TENM1: variants seen among roughly 807,000 people sequenced by gnomAD.
TENM1 encodes teneurin transmembrane protein 1.
Under a neutral mutation model 174.8 loss-of-function variants are expected in TENM1, and 35 were observed. The observed-to-expected ratio is 0.20, with a 90% CI of 0.15 to 0.27. The LOEUF (loss-of-function observed/expected upper bound fraction) is 0.27. Among genes scored for constraint, TENM1 ranks in the 10% least tolerant of loss-of-function variants. TENM1 has a pLI of 1.00. For missense variants in TENM1, 1,633 were observed against 2,130.1 expected (o/e 0.77, Z 4.59); for synonymous variants, 781 against 798.7 (o/e 0.98, Z 0.37).
intron 3 of TENM1, among the ~76,000 whole-genome samples, chrX:124,746,326 C>G (rs1270243165): frequency 9.0e-6 from 1 of 111,275 alleles, no homozygotes; most frequent in Non-Finnish European, 1.9e-5. Context: ...GAAAAGTTTT[C>G]TGCTTGAAAT....
intron 31 of TENM1, among the ~76,000 whole-genome samples, chrX:124,381,869 G>A (rs767114400): frequency 1.8e-5 from 2 of 111,416 alleles, no homozygotes; most frequent in South Asian, 7.5e-4. Flanking sequence ...CCATTATGAA[G>A]CTTCAGCAAT....
chrX:124,781,131 G>T (rs2054899971), intron 3 of TENM1, among the ~76,000 whole-genome samples: 1 of 111,557 alleles, frequency 9.0e-6, no homozygotes, highest in Non-Finnish European at 1.9e-5. Context: ...TCCCTCAAAA[G>T]TAAGGGTTAT....
rs935412458 is a variant in TENM1 at position 124,576,470 on chromosome X, TTTC to T, written c.2078-10913_2078-10911del. Reference sequence around the variant, plus strand: ...TTTATCTACAGCTTTTCACTTAGACTTTCTTATCATAATTGCCGTCTAGGTGCA... The same window carrying T: ...TTTATCTACAGCTTTTCACTTAGACTTTATCATAATTGCCGTCTAGGTGCA... On this transcript the variant is annotated intron_variant, in intron 11 of 31. Coordinates refer to ENST00000422452, the Ensembl canonical transcript of TENM1. 5.4e-5 allele frequency among the ~76,000 whole-genome samples: 6 copies of T among 112,134 alleles called. No homozygotes were observed. In the Admixed American group the frequency reaches 5.7e-4, roughly 11 times the overall value.
At chrX:124,383,574 A>AT in intron 30 of TENM1, 60 bp downstream of exon 33, 1 of 1,005,064 alleles carries the variant, frequency 9.9e-7, no homozygotes. Context: ...AGATTCTGTG[A>AT]TAAAATCAAC....
At chrX:124,657,739 A>G (rs753046201) in intron 6 of TENM1, among the ~76,000 whole-genome samples, 1 of 112,207 alleles carries the variant, frequency 8.9e-6, no homozygotes, top group East Asian at 2.8e-4. Context: ...AGATTCCACC[A>G]TTACATTTTA....
chrX:124,769,481 A>G (rs2054606870), intron 3 of TENM1, among the ~76,000 whole-genome samples: 1 of 111,915 alleles, frequency 8.9e-6, no homozygotes, highest in African/African-American at 3.2e-5. Flanking sequence ...TCGTATGGAT[A>G]TATGCATGAT....
intron 4 of TENM1, among the ~76,000 whole-genome samples, chrX:124,733,639 C>T (rs996204890): frequency 1.8e-5 from 2 of 111,981 alleles, no homozygotes; most frequent in Non-Finnish European, 3.8e-5. Context: ...TTGAACAATG[C>T]TAGTTGATAG....
At chrX:124,626,108 C>T (rs897560996) in intron 11 of TENM1, among the ~76,000 whole-genome samples, 1 of 110,573 alleles carries the variant, frequency 9.0e-6, no homozygotes, top group Non-Finnish European at 1.9e-5. Flanking sequence ...TCTAATACAC[C>T]CCTAGGAGTA....
intron 23 of TENM1, among the ~76,000 whole-genome samples, chrX:124,424,744 T>C (rs763528256): frequency 9.0e-6 from 1 of 110,888 alleles, no homozygotes; most frequent in South Asian, 3.9e-4. Flanking sequence ...TTTAGTACTG[T>C]CCCCCCTTGG....
chrX:124,445,907 A>G (rs748592145), intron 23 of TENM1, among the ~76,000 whole-genome samples: 2 of 112,252 alleles, frequency 1.8e-5, no homozygotes, highest in African/African-American at 3.2e-5. Flanking sequence ...CTTGATAATC[A>G]ACTCATCTCC....
chrX:124,382,035 A>T (rs1215212208), intron 31 of TENM1, among the ~76,000 whole-genome samples: 1 of 111,320 alleles, frequency 9.0e-6, no homozygotes, highest in Non-Finnish European at 1.9e-5. Context: ...CCCAAATTTC[A>T]GTTTTATTCT....
chrX:124,987,701 T>TTGTGTGTGTGTGTG, the TENM1 span, among the ~76,000 whole-genome samples: 242 of 91,379 alleles, frequency 2.6e-3, no homozygotes, highest in South Asian at 3.4e-3. Context: ...GTTCTGCATT[T>TTGTGTGTGTGTGTG]TGTGTGTGTG....
rs754620176 is a variant in TENM1, at chrX:124,724,326, A to C, written c.776+12631T>G. On this transcript the variant is annotated intron_variant, in intron 4 of 31. Coordinates refer to ENST00000422452, the Ensembl canonical transcript of TENM1. ...TAAGAAAAGGCATAGCACTTTACTT[A>C]AGTTTCAGTGAGGAACAAAGACAAG... Among the ~76,000 whole-genome samples, 4 of 112,628 alleles carry C rather than the reference A, an allele frequency of 3.6e-5. No individual in the cohort carries two copies. The East Asian group carries it at 1.1e-3, about 31-fold the overall frequency.
intron 1 of TENM1, among the ~76,000 whole-genome samples, chrX:124,913,314 T>C (rs2057867078): frequency 9.0e-6 from 1 of 111,602 alleles, no homozygotes; most frequent in South Asian, 3.7e-4. Flanking sequence ...AGAAAACTAC[T>C]TACTGCTCAG....
intron 3 of TENM1, among the ~76,000 whole-genome samples, chrX:124,794,502 T>C (rs1468351001): frequency 9.0e-6 from 1 of 111,151 alleles, no homozygotes; most frequent in Non-Finnish European, 1.9e-5. Context: ...TTCTATTGGT[T>C]TCCTTCAGAA....
chrX:124,817,924 T>C (rs1412070601), intron 3 of TENM1, among the ~76,000 whole-genome samples: 2 of 111,978 alleles, frequency 1.8e-5, no homozygotes, highest in African/African-American at 6.5e-5. Flanking sequence ...TTTAAGATAC[T>C]GCATAAAACA....
intron 3 of TENM1, among the ~76,000 whole-genome samples, chrX:124,819,898 T>G (rs1603228785): frequency 9.2e-6 from 1 of 108,751 alleles, no homozygotes; most frequent in African/African-American, 3.4e-5. Context: ...TGGGTTCAAG[T>G]GATTCTCATG....
chrX:124,776,893 G>A (rs1208829030), intron 3 of TENM1, among the ~76,000 whole-genome samples: 2 of 111,083 alleles, frequency 1.8e-5, no homozygotes, highest in Non-Finnish European at 3.8e-5. Flanking sequence ...AGGGATCCAA[G>A]CAAGCAGAAC....
chrX:124,974,241 C>T, the TENM1 span, among the ~76,000 whole-genome samples: 2 of 111,886 alleles, frequency 1.8e-5, no homozygotes, highest in African/African-American at 3.2e-5. Context: ...GCAGAGCCCT[C>T]ATTTCCTATT....
Sources: allele counts gnomAD v4.1 joint callset (sites outside exome capture counted in the v4.1 genomes callset), GRCh38; gene constraint gnomAD v4.1.1; transcripts MANE v1.5; gene names NCBI Gene and HGNC (gene_info 2026-07-23, HGNC 2026-07-21).